ZSCAN32: variants seen among roughly 807,000 people sequenced by gnomAD.
ZSCAN32 encodes zinc finger and SCAN domain-containing protein 32.
ZSCAN32 carries 52 observed loss-of-function variants against 47.4 expected under a neutral mutation model. The ratio of observed to expected loss-of-function variants is 1.10; its 90% CI spans 0.88 to 1.38. The LOEUF (loss-of-function observed/expected upper bound fraction) is 1.38, where lower values mean the gene tolerates loss of function less well. Among genes scored for constraint, ZSCAN32 ranks in the 40% most tolerant of loss-of-function variants. The probability of loss-of-function intolerance (pLI) is 0.00; values close to 1 mark genes in which losing one functional copy is unlikely to be tolerated. For synonymous variants in ZSCAN32, 346 were observed against 305.7 expected (o/e 1.13, Z -1.38); for missense variants, 959 against 846.0 (o/e 1.13, Z -1.66).
Position 3,397,193 on chromosome 16 carries a change from T to C in ZSCAN32, c.365A>G (p.Gln122Arg), listed in dbSNP as rs2033450510. The change falls in exon 2 of 7, where the codon CAG becomes CGG. Residue 122 changes from glutamine to arginine, a missense_variant and splice_region_variant. Coordinates refer to ENST00000396852, the MANE Select transcript of ZSCAN32 (RefSeq NM_001284527.2). ...AAAGTTCCGACTTCCTTTTCTCACC[T>C]GTTGTCCAGGAGCTCTCTGTACATC... ...VEDVQRAPGQ[Q>R]VLDSEKDLKV... 2.0e-6 allele frequency: 3 copies of C among 1,511,382 alleles called. No individual in the cohort carries two copies. Among genetic ancestry groups the C allele is most frequent in the Non-Finnish European group, 2.7e-6 (3 of 1,129,514 alleles). The allele number at this position is 1,511,382 out of a possible 1,614,324, so 93.6% of individuals were successfully genotyped here.
At chr16:3,386,798 G>A (rs2032059825) in intron 5 of ZSCAN32, among the ~76,000 whole-genome samples, 1 of 152,076 alleles carries the variant, frequency 6.6e-6, no homozygotes, top group Non-Finnish European at 1.5e-5. Flanking sequence ...TTGTGGGGTG[G>A]GGAGAGAGGG....
intron 1 of ZSCAN32, among the ~76,000 whole-genome samples, chr16:3,398,439 G>A (rs1027206192): frequency 1.3e-5 from 2 of 152,164 alleles, no homozygotes; most frequent in East Asian, 1.9e-4. Context: ...CTGAATTTCC[G>A]GGGAGGCTGA....
chr16:3,388,423 G>C (rs2032265531), intron 5 of ZSCAN32, among the ~76,000 whole-genome samples: 1 of 152,158 alleles, frequency 6.6e-6, no homozygotes, highest in South Asian at 2.1e-4. Context: ...CTCTGCCCTA[G>C]CACTCCCATC....
chr16:3,399,094 G>C (rs561800559), intron 1 of ZSCAN32, among the ~76,000 whole-genome samples: 1 of 152,132 alleles, frequency 6.6e-6, no homozygotes, highest in Non-Finnish European at 1.5e-5. Context: ...ATGGTGGCAC[G>C]CACCTGTAGT....
At position 3,393,765 on chromosome 16, in the gene ZSCAN32, G is replaced by A. The variant is rs1430716076; in HGVS notation, c.416C>T (p.Pro139Leu). 1.3e-6 allele frequency: 2 copies of A among 1,550,298 alleles called. No homozygotes were observed. Among genetic ancestry groups the A allele is most frequent in the African/African-American group, 2.7e-5 (2 of 73,138 alleles). ...CAGTGATTCTCTGGTTGCTCCCAAA[G>A]GGGCCATCTCCTTCATGAGTACTTT... ...DLKVLMKEMA[P>L]LGATRESLRS... is the part of the protein sequence containing the mutation. The change falls in exon 3 of 7, where the codon CCT becomes CTT. Residue 139 changes from proline to leucine, a missense_variant. Transcript: ENST00000396852.
At position 3,383,231 on chromosome 16, in the gene ZSCAN32, G is replaced by T. The variant is rs2031466668; in HGVS notation, c.1715C>A (p.Thr572Lys). The part of the protein sequence containing the change: ...SNLTAHLRTH[T>K]GERPYQCGQC... The stretch of plus-strand genomic sequence containing the variant: ...CCCACACTGATAGGGCCTCTCCCCT[G>T]TGTGAGTTCGTAGGTGGGCAGTGAG... Residue 572 changes from threonine (T) to lysine (K), a missense_variant, in exon 7 of 7, where the codon ACA becomes AAA. Physicochemically the swap from Thr to Lys is moderately conservative, Grantham distance 78 (BLOSUM62 -1). Coordinates refer to ENST00000396852, the MANE Select transcript of ZSCAN32 (RefSeq NM_001284527.2). 5 of 1,614,152 alleles carry T rather than the reference G, an allele frequency of 3.1e-6. No homozygotes were observed. Among genetic ancestry groups the T allele is most frequent in the South Asian group, 2.2e-5 (2 of 91,078 alleles).
chr16:3,384,844 GT>G lies in ZSCAN32; in HGVS notation c.848del (p.Asn283ThrfsTer33). On this transcript the variant is annotated frameshift_variant, in exon 6 of 7. Coordinates refer to ENST00000396852, the MANE Select transcript of ZSCAN32 (RefSeq NM_001284527.2). LOFTEE classifies it high-confidence loss of function. ...CCGCCATGGCCCTGTAGATCTGGCT[GT>G]TCTGCTGACAGGTCTGGAGTTTTCC... ...FYGKLQTCQQ[N>X]SQIYRAMAEG... 1.2e-6 allele frequency: 2 copies of G among 1,614,184 alleles called. No individual in the cohort carries two copies. Among genetic ancestry groups the G allele is most frequent in the Non-Finnish European group, 1.7e-6 (2 of 1,180,030 alleles).
chr16:3,386,746 A>C (rs537244488), intron 5 of ZSCAN32, among the ~76,000 whole-genome samples: 3 of 152,282 alleles, frequency 2.0e-5, no homozygotes, highest in African/African-American at 4.8e-5. Flanking sequence ...AACAGTGAGA[A>C]CACATGGACA....
At position 3,382,999 on chromosome 16, in the gene ZSCAN32, A is replaced by C; in HGVS notation, c.1947T>G (p.Ser649Arg). The change falls in exon 7 of 7, where the codon AGT (serine) becomes AGG (arginine). Residue 649 changes from serine to arginine, a missense_variant. By Grantham distance (110) the Ser-to-Arg change is moderately radical. Transcript: ENST00000396852. ...CACCAGTGTGGGTTTTTCGGTGGGC[A>C]CTGAAGTGGGAGCTATTGTTGAAGA... ...GKIFNNSSHFSAHRKTHTGEK... is the reference protein window; with the variant it reads ...GKIFNNSSHFRAHRKTHTGEK... The C allele has an allele frequency of 3.1e-6, 5 of 1,614,118 alleles. No individual in the cohort carries two copies. Among genetic ancestry groups the C allele is most frequent in the South Asian group, 1.1e-5 (1 of 91,074 alleles).
At chr16:3,400,664 T>C (rs548430212) in intron 1 of ZSCAN32, among the ~76,000 whole-genome samples, 1 of 151,908 alleles carries the variant, frequency 6.6e-6, no homozygotes, top group African/African-American at 2.4e-5. Context: ...TGTGGATGAG[T>C]AGGGAGTGGG....
chr16:3,384,864 GT>G lies in ZSCAN32; in HGVS notation c.828del (p.Lys276AsnfsTer40). 6.2e-7 allele frequency: 1 copy of G among 1,614,132 alleles called. No individual in the cohort carries two copies. The highest frequency in any genetic ancestry group is 1.1e-5 in the South Asian group (1 of 91,078). On this transcript the variant is annotated frameshift_variant, in exon 6 of 7. Coordinates refer to ENST00000396852, the MANE Select transcript of ZSCAN32 (RefSeq NM_001284527.2). LOFTEE classifies it high-confidence loss of function. ...AILSSSQFYG[K>X]LQTCQQNSQI... ...TGGCTGTTCTGCTGACAGGTCTGGA[GT>G]TTTCCATAAAATTGAGAACTACTAA...
intron 1 of ZSCAN32, 51 bp downstream of exon 1, chr16:3,400,894 C>A (rs991922721): frequency 6.6e-6 from 1 of 152,344 alleles, no homozygotes; most frequent in Non-Finnish European, 1.5e-5. Flanking sequence ...CCTCGGCCGT[C>A]GCAGGGCCCA....
At chr16:3,399,412 C>T (rs1208647256) in intron 1 of ZSCAN32, among the ~76,000 whole-genome samples, 1 of 152,130 alleles carries the variant, frequency 6.6e-6, no homozygotes, top group Admixed American at 6.5e-5. Flanking sequence ...TCAGAGTTGT[C>T]TCCAACTATG....
Position 3,397,374 on chromosome 16 carries a change from A to G in ZSCAN32, c.184T>C (p.Cys62Arg), listed in dbSNP as rs1472181011. ...HEAFSKLWEL[C>R]CQWLRPKTHS... ...GTCTTCGGCCTCAGCCACTGACAAC[A>G]GAGTTCCCAGAGTTTGCTAAAAGCT... is the stretch of plus-strand genomic sequence containing the variant. Residue 62 changes from cysteine (C) to arginine (R), a missense_variant, in exon 2 of 7, where the codon TGT (cysteine) becomes CGT (arginine). Cys to Arg is a radical substitution (Grantham distance 180). Coordinates refer to ENST00000396852, the MANE Select transcript of ZSCAN32 (RefSeq NM_001284527.2). 1.0e-5 allele frequency: 16 copies of G among 1,555,118 alleles called. No homozygotes were observed. Among genetic ancestry groups the G allele is most frequent in the South Asian group, 2.4e-5 (2 of 84,408 alleles).
chr16:3,392,277 G>C (rs145605109), intron 3 of ZSCAN32, among the ~76,000 whole-genome samples: 1 of 152,144 alleles, frequency 6.6e-6, no homozygotes, highest in African/African-American at 2.4e-5. Context: ...CTAGACAGAG[G>C]TGATGGCTGC....
At chr16:3,384,153 G>C in intron 6 of ZSCAN32, 1 of 544,590 alleles carries the variant, frequency 1.8e-6, no homozygotes, top group Non-Finnish European at 3.2e-6. Flanking sequence ...GCAAGGCCAT[G>C]CTAGAGAAAA....
At chr16:3,399,434 A>T (rs1332390429) in intron 1 of ZSCAN32, among the ~76,000 whole-genome samples, 1 of 151,960 alleles carries the variant, frequency 6.6e-6, no homozygotes, top group African/African-American at 2.4e-5. Context: ...CCCACTCTCT[A>T]CTCCACTCTT....
At chr16:3,385,365 T>C (rs1349323549) in intron 5 of ZSCAN32, among the ~76,000 whole-genome samples, 4 of 152,282 alleles carry the variant, frequency 2.6e-5, no homozygotes, top group African/African-American at 7.2e-5. Context: ...ATGGCCATAC[T>C]GCTCAAGGTA....
Position 3,384,951 on chromosome 16 carries a change from A to G in ZSCAN32, c.752-10T>C. The G allele has an allele frequency of 6.2e-7, 1 of 1,607,734 alleles. No homozygotes were observed. Among genetic ancestry groups the G allele is most frequent in the Non-Finnish European group, 8.5e-7 (1 of 1,178,210 alleles). On this transcript the variant is annotated splice_polypyrimidine_tract_variant and intron_variant, in intron 5 of 6. Transcript: ENST00000396852. ...CAGGGCACACCTGTTGCTGGGGGACAAAGAATAGGTCAATTAGATCTGTCA... is the reference window on the plus strand; with the variant it reads ...CAGGGCACACCTGTTGCTGGGGGACGAAGAATAGGTCAATTAGATCTGTCA...
Sources: gnomAD v4.1 joint callset for allele counts (sites outside exome capture counted in the v4.1 genomes callset) on GRCh38, gnomAD v4.1.1 for gene constraint, MANE v1.5 for transcripts, NCBI Gene and HGNC (gene_info 2026-07-23, HGNC 2026-07-21) for gene names.